The following AHCY variants were observed in gnomAD, a reference collection of about 807,000 sequenced individuals.
AHCY encodes the protein S-adenosyl-L-homocysteine hydrolase.
AHCY carries 24 observed loss-of-function variants against 45.4 expected under a neutral mutation model. The observed-to-expected ratio is 0.53, with a 90% CI of 0.38 to 0.74. The LOEUF (loss-of-function observed/expected upper bound fraction) is 0.74, where lower values mean the gene tolerates loss of function less well. Among genes scored for constraint, AHCY ranks in the 30% least tolerant of loss-of-function variants. AHCY has a pLI of 0.00. For synonymous variants in AHCY, 245 were observed against 235.1 expected, an observed-to-expected ratio of 1.04 and a Z score of -0.39; for missense variants, 449 against 594.1, an observed-to-expected ratio of 0.76 and a Z score of 2.54.
chr20:34,293,658 T>C (rs1216177578), intron 3 of AHCY: 10 of 342,706 alleles, frequency 2.9e-5, no homozygotes, highest in East Asian at 2.3e-4. Context: ...CAAGCAGACA[T>C]GTGCCCAGCC....
the AHCY span, among the ~76,000 whole-genome samples, chr20:34,243,665 G>A: frequency 6.7e-6 from 1 of 149,176 alleles, no homozygotes; most frequent in South Asian, 2.1e-4. Context: ...TGCTCCACCA[G>A]TAATTCTATT....
chr20:34,301,878 A>G, intron 1 of AHCY: 1 of 985,506 alleles, frequency 1.0e-6, no homozygotes, highest in Non-Finnish European at 1.2e-6. Flanking sequence ...TTCATGCTCT[A>G]TATAACGGGA....
Position 34,309,227 on chromosome 20 carries a change from T to C in AHCY, c.-57+2245A>G, listed in dbSNP as rs546882509. 8.5e-5 allele frequency among the ~76,000 whole-genome samples: 13 copies of C among 152,248 alleles called. No individual in the cohort carries two copies. The East Asian group carries it at 2.3e-3, about 27-fold the overall frequency. On this transcript the variant is annotated intron_variant, in intron 1 of 9. Coordinates refer to the AHCY transcript ENST00000538132. ...CACCTGCCTTGGCCTCCCAAAGTGT[T>C]GAGATTACAGGCGTGAGCCACCACG...
downstream of AHCY, among the ~76,000 whole-genome samples, chr20:34,277,159 C>A (rs1355299003): frequency 6.6e-6 from 1 of 152,146 alleles, no homozygotes; most frequent in African/African-American, 2.4e-5. Context: ...GATCCCAGCA[C>A]CTCTAGCCTA....
chr20:34,250,105 C>T, the AHCY span: 1 of 152,242 alleles, frequency 6.6e-6, no homozygotes, highest in Non-Finnish European at 1.5e-5. Flanking sequence ...TTACCAAGAA[C>T]CCCCAGGTCT....
chr20:34,297,406 T>A (rs906953004), intron 1 of AHCY, among the ~76,000 whole-genome samples: 1 of 152,076 alleles, frequency 6.6e-6, no homozygotes, highest in Non-Finnish European at 1.5e-5. Context: ...CAAGCAATTC[T>A]CCTGCCTCAG....
the AHCY span, among the ~76,000 whole-genome samples, chr20:34,255,846 A>G: frequency 1.3e-5 from 2 of 152,174 alleles, no homozygotes; most frequent in African/African-American, 2.4e-5. Flanking sequence ...TGGTAGCATC[A>G]GTGCTCGGGA....
chr20:34,241,127 C>A, the AHCY span, among the ~76,000 whole-genome samples: 2 of 152,180 alleles, frequency 1.3e-5, no homozygotes, highest in Non-Finnish European at 2.9e-5. Context: ...AAACAATTTT[C>A]TTTTCTTCTG....
chr20:34,307,307 C>T (rs1445088080), upstream of AHCY, among the ~76,000 whole-genome samples: 2 of 152,018 alleles, frequency 1.3e-5, no homozygotes, highest in Non-Finnish European at 2.9e-5. Context: ...CCAGGCTGGT[C>T]TTGAACCTCT....
At chr20:34,248,769 C>T in the AHCY span, among the ~76,000 whole-genome samples, 1 of 151,996 alleles carries the variant, frequency 6.6e-6, no homozygotes, top group Non-Finnish European at 1.5e-5. Flanking sequence ...CATTGCCTTC[C>T]AGCCTGGGTG....
upstream of AHCY, among the ~76,000 whole-genome samples, chr20:34,305,930 A>T (rs913303583): frequency 6.6e-6 from 1 of 151,948 alleles, no homozygotes; most frequent in Admixed American, 6.6e-5. Context: ...AAAAATACAA[A>T]AATTAGCCGG....
chr20:34,293,557 GCC>G (rs2036472583), intron 3 of AHCY: 1 of 254,132 alleles, frequency 3.9e-6, no homozygotes, highest in Admixed American at 5.1e-5. Context: ...GGAGTGCTGT[GCC>G]ACCCCCTCCT....
chr20:34,255,971 G>A, the AHCY span, among the ~76,000 whole-genome samples: 4 of 152,216 alleles, frequency 2.6e-5, no homozygotes, highest in African/African-American at 4.8e-5. Context: ...AGGCCCACCC[G>A]CAGCCTCCAG....
chr20:34,277,754 CAAAAAAA>C (rs59920283), downstream of AHCY, among the ~76,000 whole-genome samples: 2 of 39,724 alleles, frequency 5.0e-5, no homozygotes, highest in African/African-American at 1.5e-4. Flanking sequence ...GACTCCATCT[CAAAAAAA>C]AAAAAAAAAA....
chr20:34,302,006 GT>G (rs5841170), intron 1 of AHCY: 327 of 829,324 alleles, frequency 3.9e-4, no homozygotes, highest in African/African-American at 1.7e-3. Flanking sequence ...TTTTTTGTTT[GT>G]TTTTTTTTTT....
At chr20:34,250,380 A>T in the AHCY span, among the ~76,000 whole-genome samples, 4 of 152,260 alleles carry the variant, frequency 2.6e-5, no homozygotes, top group Admixed American at 2.0e-4. Context: ...AATAAAAATT[A>T]AAAGGGGAGC....
downstream of AHCY, among the ~76,000 whole-genome samples, chr20:34,277,572 G>A (rs562365831): frequency 4.6e-5 from 7 of 151,624 alleles, no homozygotes; most frequent in Non-Finnish European, 1.0e-4. Context: ...TCGAAACCAC[G>A]GTGAAACCCC....
chr20:34,294,321 G>A (rs1161235611), intron 2 of AHCY, among the ~76,000 whole-genome samples, 165 bp from the exon 3 acceptor site: 1 of 152,180 alleles, frequency 6.6e-6, no homozygotes, highest in Non-Finnish European at 1.5e-5. Context: ...GCAGATGGGA[G>A]CCAGAGCAGG....
the AHCY span, among the ~76,000 whole-genome samples, chr20:34,236,469 AG>A: frequency 4.6e-5 from 7 of 152,128 alleles, no homozygotes; most frequent in Non-Finnish European, 7.4e-5. Context: ...GCTTGAATCC[AG>A]GAGGTGGACG....
Sources: allele counts gnomAD v4.1 joint callset (sites outside exome capture counted in the v4.1 genomes callset), GRCh38; gene constraint gnomAD v4.1.1; transcripts MANE v1.5; gene names NCBI Gene and HGNC (gene_info 2026-07-23, HGNC 2026-07-21).